The following TMEM132D variants were observed in gnomAD, a reference collection of about 807,000 sequenced individuals.
TMEM132D encodes the protein transmembrane protein 132D, also known as mature OL transmembrane protein.
In TMEM132D, 21 loss-of-function variants were observed where a neutral mutation model predicts 62.3. The ratio of observed to expected loss-of-function variants is 0.34; its 90% CI spans 0.24 to 0.49. The LOEUF is 0.49. Ranked by LOEUF, TMEM132D falls within the 20% of genes least tolerant of loss-of-function variation. The pLI, the probability that TMEM132D is intolerant of heterozygous loss-of-function variation, is 0.99. For synonymous variants in TMEM132D, 621 were observed against 575.6 expected (o/e 1.08, Z -1.13); for missense variants, 1,346 against 1,402.8 (o/e 0.96, Z 0.65).
At chr12:129,216,824 C>A (rs2135571221) in intron 4 of TMEM132D, among the ~76,000 whole-genome samples, 1 of 152,326 alleles carries the variant, frequency 6.6e-6, no homozygotes, top group African/African-American at 2.4e-5. Context: ...AGAGCTTGCT[C>A]ATTCTAACCA....
intron 3 of TMEM132D, among the ~76,000 whole-genome samples, chr12:129,513,804 T>TTTTATTTATTTA (rs201593908): frequency 4.6e-4 from 61 of 134,062 alleles, no homozygotes; most frequent in Admixed American, 6.8e-4. Context: ...CAATTTTTAT[T>TTTTATTTATTTA]TTTATTTATT....
chr12:129,117,367 C>T (rs898621060), intron 5 of TMEM132D, among the ~76,000 whole-genome samples: 1 of 152,060 alleles, frequency 6.6e-6, no homozygotes, highest in African/African-American at 2.4e-5. Flanking sequence ...CATGTCATTA[C>T]GTATCAATCA....
chr12:129,221,755 T>C (rs1029654733), intron 4 of TMEM132D, among the ~76,000 whole-genome samples: 6 of 152,224 alleles, frequency 3.9e-5, no homozygotes, highest in African/African-American at 1.4e-4. Context: ...CACCCTGTCC[T>C]TGTCTTTTGC....
intron 2 of TMEM132D, among the ~76,000 whole-genome samples, chr12:129,672,327 T>C (rs1046564497): frequency 6.6e-6 from 1 of 152,168 alleles, no homozygotes; most frequent in African/African-American, 2.4e-5. Flanking sequence ...ATTTCCTATC[T>C]ACCAGCTGGA....
intron 3 of TMEM132D, among the ~76,000 whole-genome samples, chr12:129,500,642 G>GA: frequency 6.6e-6 from 1 of 152,112 alleles, no homozygotes; most frequent in Non-Finnish European, 1.5e-5. Flanking sequence ...AGGTATATAT[G>GA]GGCATCACTT....
chr12:129,081,731 A>T (rs1468572911), intron 7 of TMEM132D, 28 bp downstream of exon 7: 1 of 1,532,934 alleles, frequency 6.5e-7, no homozygotes, highest in Non-Finnish European at 8.7e-7. Flanking sequence ...AGAGATCTTG[A>T]TTTGGGGATT....
chr12:129,162,536 A>G (rs1038072605), intron 5 of TMEM132D, among the ~76,000 whole-genome samples: 4 of 152,080 alleles, frequency 2.6e-5, no homozygotes, highest in Non-Finnish European at 5.9e-5. Context: ...TCATGGTGAG[A>G]TGTGATCCCC....
intron 5 of TMEM132D, among the ~76,000 whole-genome samples, chr12:129,186,652 T>C (rs1392005811): frequency 6.6e-6 from 1 of 152,194 alleles, no homozygotes; most frequent in East Asian, 1.9e-4. Context: ...CTCAGTTTCC[T>C]CATCTGTAAC....
At chr12:129,418,419 A>G (rs549829896) in intron 3 of TMEM132D, among the ~76,000 whole-genome samples, 52 of 152,298 alleles carry the variant, frequency 3.4e-4, no homozygotes, top group African/African-American at 1.1e-3. Context: ...AGAGACATGG[A>G]TGAAGCTGGA....
At chr12:129,377,963 AT>A (rs1427333369) in intron 3 of TMEM132D, among the ~76,000 whole-genome samples, 1 of 152,206 alleles carries the variant, frequency 6.6e-6, no homozygotes, top group East Asian at 1.9e-4. Flanking sequence ...TTATCTTAGT[AT>A]TTTTGACCTG....
chr12:129,222,862 A>G (rs1176098131), intron 4 of TMEM132D, among the ~76,000 whole-genome samples: 1 of 152,154 alleles, frequency 6.6e-6, no homozygotes, highest in African/African-American at 2.4e-5. Context: ...TAATAATAAT[A>G]TATCACATAC....
chr12:129,480,824 C>T (rs1389598152), intron 3 of TMEM132D, among the ~76,000 whole-genome samples: 4 of 152,152 alleles, frequency 2.6e-5, no homozygotes, highest in East Asian at 1.9e-4. Context: ...CCTATGGCCC[C>T]GCAATCCACT....
At chr12:129,309,777 A>G (rs564698999) in intron 4 of TMEM132D, among the ~76,000 whole-genome samples, 37 of 152,278 alleles carry the variant, frequency 2.4e-4, no homozygotes, top group African/African-American at 8.9e-4. Context: ...AAACTCATTG[A>G]AGTTGAATAA....
At chr12:129,131,158 GCA>G (rs1323714734) in intron 5 of TMEM132D, among the ~76,000 whole-genome samples, 4 of 152,182 alleles carry the variant, frequency 2.6e-5, no homozygotes, top group African/African-American at 9.7e-5. Context: ...AATTAGATAT[GCA>G]CAGTCATATG....
chr12:129,349,948 G>C (rs1869813760), intron 3 of TMEM132D, among the ~76,000 whole-genome samples: 1 of 152,200 alleles, frequency 6.6e-6, no homozygotes, highest in African/African-American at 2.4e-5. Context: ...ATGGAGGTCA[G>C]TCTTCGGGGA....
rs542389613 is a variant in TMEM132D at position 129,344,806 on chromosome 12, G to A, written c.1116-6989C>T. On this transcript the variant is annotated intron_variant, in intron 3 of 8. Transcript: ENST00000422113. ...GGATTTTAACTTACTCTTTTCCTAC[G>A]TGCCTCCCGATTTCCGTCCGTCTGC... Among the ~76,000 whole-genome samples the A allele has an allele frequency of 6.3e-4, 96 of 151,848 alleles. 1 individual carries two copies. The highest frequency in any genetic ancestry group is 2.2e-3 in the African/African-American group (92 of 41,436).
chr12:129,622,226 C>T (rs2137160199), intron 2 of TMEM132D, among the ~76,000 whole-genome samples: 1 of 152,270 alleles, frequency 6.6e-6, no homozygotes, highest in East Asian at 1.9e-4. Context: ...TCCACAAGCC[C>T]CACTCGTCCA....
At chr12:129,394,761 T>C (rs1484038468) in intron 3 of TMEM132D, among the ~76,000 whole-genome samples, 1 of 152,234 alleles carries the variant, frequency 6.6e-6, no homozygotes, top group Admixed American at 6.5e-5. Context: ...TACTGTATGA[T>C]TTCATTGACA....
intron 3 of TMEM132D, among the ~76,000 whole-genome samples, chr12:129,420,974 T>C (rs867658949): frequency 3.3e-5 from 5 of 151,588 alleles, no homozygotes; most frequent in Middle Eastern, 3.4e-3. Flanking sequence ...TTTTTTTTTT[T>C]TTTTTGAGAC....
Sources: allele counts gnomAD v4.1 joint callset (sites outside exome capture counted in the v4.1 genomes callset), GRCh38; gene constraint gnomAD v4.1.1; transcripts MANE v1.5; gene names NCBI Gene and HGNC (gene_info 2026-07-23, HGNC 2026-07-21).